The following VRK2 variants were observed in gnomAD, a reference collection of about 807,000 sequenced individuals.
The protein encoded by VRK2 is serine/threonine-protein kinase VRK2.
In VRK2, 60 loss-of-function variants were observed where a neutral mutation model predicts 57.6. The ratio of observed to expected loss-of-function variants is 1.04; its 90% CI spans 0.85 to 1.29. The LOEUF is 1.29. Among genes scored for constraint, VRK2 ranks in the 50% most tolerant of loss-of-function variants. The probability of loss-of-function intolerance (pLI) is 0.00; values close to 1 mark genes in which losing one functional copy is unlikely to be tolerated. For missense variants in VRK2, 705 were observed against 588.1 expected (o/e 1.20, Z -2.06); for synonymous variants, 231 against 199.2 (o/e 1.16, Z -1.35).
intron 11 of VRK2, among the ~76,000 whole-genome samples, chr2:58,144,401 C>G (rs530610597): frequency 1.0e-3 from 155 of 151,896 alleles, no homozygotes; most frequent in African/African-American, 3.5e-3. Context: ...TATTCTCACA[C>G]AAAGAAATGG....
intron 1 of VRK2, among the ~76,000 whole-genome samples, chr2:57,911,613 G>A (rs1669988361): frequency 6.6e-6 from 1 of 152,104 alleles, no homozygotes; most frequent in Admixed American, 6.6e-5. Flanking sequence ...TGGAAAGAGG[G>A]AAAATGACAT....
intron 7 of VRK2, among the ~76,000 whole-genome samples, chr2:58,110,704 G>C (rs1467514439): frequency 6.6e-6 from 1 of 152,178 alleles, no homozygotes; most frequent in East Asian, 1.9e-4. Context: ...GAGGAAGCAG[G>C]ATTGAACAGG....
At chr2:58,107,017 G>A (rs959401103) in intron 7 of VRK2, among the ~76,000 whole-genome samples, 10 of 152,072 alleles carry the variant, frequency 6.6e-5, no homozygotes, top group African/African-American at 2.4e-4. Context: ...TCAAAACATA[G>A]TAGCATCTTT....
At chr2:57,929,187 A>G (rs937293472) in intron 1 of VRK2, among the ~76,000 whole-genome samples, 1 of 152,230 alleles carries the variant, frequency 6.6e-6, no homozygotes, top group African/African-American at 2.4e-5. Flanking sequence ...GATGCTGTCC[A>G]GGAGCCAGGA....
intron 7 of VRK2, among the ~76,000 whole-genome samples, chr2:58,110,061 A>G (rs1675334154): frequency 6.6e-6 from 1 of 152,204 alleles, no homozygotes. Context: ...CCTGTGTACA[A>G]ATCTGGCCAA....
intron 7 of VRK2, among the ~76,000 whole-genome samples, chr2:58,108,243 C>G (rs1294218165): frequency 1.3e-5 from 2 of 152,116 alleles, no homozygotes; most frequent in African/African-American, 4.8e-5. Flanking sequence ...TCTCTCAACC[C>G]TCTTATCCAG....
intron 1 of VRK2, among the ~76,000 whole-genome samples, chr2:57,952,368 A>G (rs959367470): frequency 4.6e-5 from 7 of 152,174 alleles, no homozygotes; most frequent in Non-Finnish European, 1.0e-4. Flanking sequence ...AAAATCTTCC[A>G]TATTTTTAGA....
chr2:58,048,553 T>C lies in VRK2; in HGVS notation c.-5-274T>C, dbSNP rs189547858. Reference sequence around the variant, plus strand: ...TGTGTCCTGCACTGTTAATATGTGCTATAGAACCCCGAAATGAATTTTGGA... The same window carrying C: ...TGTGTCCTGCACTGTTAATATGTGCCATAGAACCCCGAAATGAATTTTGGA... On this transcript the variant is annotated intron_variant, in intron 1 of 12. Transcript: ENST00000340157. 3.1e-5 allele frequency: 43 copies of C among 1,385,166 alleles called. No homozygotes were observed. The East Asian group carries it at 1.2e-3, about 40-fold the overall frequency. 85.8% of individuals were successfully genotyped at this position (1,385,166 alleles called of 1,614,324 possible). A position where few individuals can be genotyped will look rare whatever the true frequency, so the allele number is the denominator to read the frequency against.
intron 8 of VRK2, among the ~76,000 whole-genome samples, chr2:58,126,205 C>T (rs1006369630): frequency 2.6e-5 from 4 of 151,400 alleles, no homozygotes; most frequent in African/African-American, 9.7e-5. Flanking sequence ...TGCCAAGTGT[C>T]AGGTCTATTT....
chr2:58,054,596 G>A (rs1295440344), intron 2 of VRK2, among the ~76,000 whole-genome samples: 1 of 151,982 alleles, frequency 6.6e-6, no homozygotes, highest in Non-Finnish European at 1.5e-5. Context: ...TATGAGGTGT[G>A]TTTCTTCTTT....
intron 2 of VRK2, among the ~76,000 whole-genome samples, chr2:58,074,360 T>C (rs531749203): frequency 8.5e-5 from 13 of 152,118 alleles, no homozygotes; most frequent in Non-Finnish European, 1.9e-4. Context: ...GCTTGTTCTT[T>C]CTTGGTTTTT....
chr2:58,046,195 T>C (rs1026000356), upstream of VRK2, among the ~76,000 whole-genome samples: 9 of 152,220 alleles, frequency 5.9e-5, no homozygotes, highest in African/African-American at 2.2e-4. Flanking sequence ...CCTCACCTTA[T>C]TGTCATAATC....
At position 58,086,445 on chromosome 2, in the gene VRK2, A is replaced by C; in HGVS notation, c.344+19A>C. Reference sequence around the variant, plus strand: ...GAAGAAGGTAAAATGGAATTATTATAATCAAATATTTCTTTATAACTATTC... The same window carrying C: ...GAAGAAGGTAAAATGGAATTATTATCATCAAATATTTCTTTATAACTATTC... On this transcript the variant is annotated intron_variant, in intron 5 of 12. Transcript: ENST00000340157. 6.4e-7 allele frequency: 1 copy of C among 1,555,716 alleles called. No homozygotes were observed. Among genetic ancestry groups the C allele is most frequent in the South Asian group, 1.2e-5 (1 of 82,476 alleles).
At chr2:58,158,109 A>T (rs767463118) in intron 12 of VRK2, among the ~76,000 whole-genome samples, 2 of 152,210 alleles carry the variant, frequency 1.3e-5, no homozygotes, top group African/African-American at 4.8e-5. Context: ...CTTGACTTCT[A>T]TCCTTACCTA....
intron 12 of VRK2, among the ~76,000 whole-genome samples, chr2:58,151,320 T>C (rs1682988176): frequency 6.6e-6 from 1 of 151,802 alleles, no homozygotes; most frequent in Non-Finnish European, 1.5e-5. Context: ...CTGTTCATCA[T>C]TCTGAAATAT....
intron 2 of VRK2, among the ~76,000 whole-genome samples, chr2:58,072,493 A>G (rs1169615133): frequency 2.0e-5 from 3 of 151,890 alleles, no homozygotes; most frequent in Admixed American, 6.6e-5. Flanking sequence ...GATTTTGCCA[A>G]ATGGTTTTGT....
intron 7 of VRK2, among the ~76,000 whole-genome samples, chr2:58,118,670 G>A (rs572988237): frequency 4.0e-5 from 6 of 151,830 alleles, no homozygotes; most frequent in Non-Finnish European, 7.4e-5. Flanking sequence ...CCCAAGGGAG[G>A]TCCCCCGATC....
intron 1 of VRK2, chr2:58,025,634 C>T (rs757771172): frequency 6.6e-6 from 1 of 152,134 alleles, no homozygotes; most frequent in Non-Finnish European, 1.5e-5. Context: ...TGACAGAGAA[C>T]CAAGAAATGT....
intron 5 of VRK2, among the ~76,000 whole-genome samples, chr2:58,087,803 A>G (rs1333458882): frequency 3.3e-5 from 5 of 152,190 alleles, no homozygotes; most frequent in Non-Finnish European, 7.3e-5. Flanking sequence ...CCTGGCCAAC[A>G]TGGTGAAACC....
Sources: allele counts gnomAD v4.1 joint callset (sites outside exome capture counted in the v4.1 genomes callset), GRCh38; gene constraint gnomAD v4.1.1; transcripts MANE v1.5; gene names NCBI Gene and HGNC (gene_info 2026-07-23, HGNC 2026-07-21).